Variants in DOCK8 observed in about 807,000 individuals in gnomAD.
The protein encoded by DOCK8 is dedicator of cytokinesis protein 8.
DOCK8 carries 141 observed loss-of-function variants against 245.6 expected under a neutral mutation model. That is an observed-to-expected ratio of 0.57 (90% CI 0.50 to 0.66). The LOEUF (loss-of-function observed/expected upper bound fraction) is 0.66. DOCK8 is among the 30% of genes least tolerant of loss of function. The pLI is 0.00. For missense variants in DOCK8, 2,965 were observed against 2,603.4 expected, an observed-to-expected ratio of 1.14 and a Z score of -3.02; for synonymous variants, 1,168 against 970.2, an observed-to-expected ratio of 1.20 and a Z score of -3.79.
chr9:429,808 G>A lies in DOCK8; in HGVS notation c.4580G>A (p.Cys1527Tyr), dbSNP rs897858626. Residue 1527 changes from cysteine (C) to tyrosine (Y), a missense_variant, in exon 36 of 48, where the codon TGT (cysteine) becomes TAT (tyrosine). Transcript: ENST00000432829. ...ATGGATGTCACCCGGAGCCAAGCCT[G>A]TGCCACCCTTTACCTCCTCATGAGG... ...SSMDVTRSQA[C>Y]ATLYLLMRFS... The A allele has an allele frequency of 1.2e-6, 2 of 1,614,070 alleles. No homozygotes were observed.
chr9:448,920 T>A (rs2131859850), intron 44 of DOCK8, among the ~76,000 whole-genome samples: 1 of 152,338 alleles, frequency 6.6e-6, no homozygotes, highest in African/African-American at 2.4e-5. Flanking sequence ...ATAGATTGAT[T>A]GACCCTTAAA....
chr9:308,820 G>A (rs2049966900), intron 5 of DOCK8, among the ~76,000 whole-genome samples: 1 of 152,104 alleles, frequency 6.6e-6, no homozygotes, highest in South Asian at 2.1e-4. Context: ...ACGACACCCG[G>A]CTAATTTTTT....
intron 2 of DOCK8, among the ~76,000 whole-genome samples, chr9:281,309 A>C (rs1290161275): frequency 6.6e-6 from 1 of 152,238 alleles, no homozygotes; most frequent in African/African-American, 2.4e-5. Context: ...ATTACATATA[A>C]CGAATGATAT....
chr9:255,218 A>G lies in DOCK8; in HGVS notation c.54-16409A>G, dbSNP rs28463978. ...TATCTTGAGTATTCTAGGAGTCTAA[A>G]CAGAATGTCTTTAGATCATCCTTAT... is the stretch of plus-strand genomic sequence containing the variant. On this transcript the variant is annotated intron_variant, in intron 1 of 47. Transcript: ENST00000432829. 6.4e-3 allele frequency among the ~76,000 whole-genome samples: 974 copies of G among 152,314 alleles called. 6 individuals carry two copies. Among genetic ancestry groups the G allele is most frequent in the African/African-American group, 0.022 (910 of 41,570 alleles).
intron 1 of DOCK8, among the ~76,000 whole-genome samples, chr9:233,614 G>C (rs1452801473): frequency 6.6e-6 from 1 of 152,052 alleles, no homozygotes; most frequent in African/African-American, 2.4e-5. Flanking sequence ...AGGATAGTTA[G>C]CTCTTCTTGT....
At chr9:407,501 T>G (rs890519516) in intron 28 of DOCK8, among the ~76,000 whole-genome samples, 2 of 152,136 alleles carry the variant, frequency 1.3e-5, no homozygotes, top group Non-Finnish European at 2.9e-5. Context: ...ATGCCCAGAT[T>G]AGGTTTCTTG....
intron 1 of DOCK8, among the ~76,000 whole-genome samples, chr9:253,400 A>G (rs2047696305): frequency 6.6e-6 from 1 of 152,112 alleles, no homozygotes; most frequent in Admixed American, 6.5e-5. Flanking sequence ...TACCTACTCA[A>G]AGCAACTTTC....
At chr9:262,870 G>T in intron 1 of DOCK8, among the ~76,000 whole-genome samples, 1 of 151,942 alleles carries the variant, frequency 6.6e-6, no homozygotes. Flanking sequence ...GTAGTCTGAT[G>T]ACCTTTGTCT....
intron 2 of DOCK8, among the ~76,000 whole-genome samples, chr9:284,018 G>A (rs1465377816): frequency 1.3e-5 from 2 of 152,158 alleles, no homozygotes; most frequent in African/African-American, 4.8e-5. Context: ...TTTGCACATA[G>A]TAATGCTCAA....
intron 21 of DOCK8, 59 bp downstream of exon 21, chr9:379,994 T>G: frequency 6.4e-7 from 1 of 1,567,464 alleles, no homozygotes; most frequent in African/African-American, 1.4e-5. Flanking sequence ...TCCACCCCAC[T>G]GCAGTGTAAT....
chr9:219,316 C>A (rs2046833419), intron 1 of DOCK8, among the ~76,000 whole-genome samples: 1 of 151,818 alleles, frequency 6.6e-6, no homozygotes. Flanking sequence ...CTAAAAAATA[C>A]AAAAATTAGC....
chr9:422,151 A>G lies in DOCK8; in HGVS notation c.4241+16A>G, dbSNP rs142428536. On this transcript the variant is annotated intron_variant, in intron 33 of 47. Transcript: ENST00000432829. The stretch of plus-strand genomic sequence containing the variant: ...AGCTAGATAAGTGAGTCACTCGGCA[A>G]CTTTCTGCTACTTTTACCTAAAGTC... 41 of 1,608,680 alleles carry G rather than the reference A, an allele frequency of 2.5e-5. No homozygotes were observed. In the African/African-American group the frequency reaches 4.7e-4, roughly 18 times the overall value.
intron 39 of DOCK8, among the ~76,000 whole-genome samples, chr9:436,950 G>T (rs2056924846): frequency 6.6e-6 from 1 of 152,190 alleles, no homozygotes; most frequent in Non-Finnish European, 1.5e-5. Context: ...GGGTGAAGAA[G>T]GTGAAAAGGA....
At chr9:440,782 A>G (rs1321170641) in intron 40 of DOCK8, among the ~76,000 whole-genome samples, 1 of 152,164 alleles carries the variant, frequency 6.6e-6, no homozygotes, top group Non-Finnish European at 1.5e-5. Flanking sequence ...CTTGTCACCC[A>G]GGCTGGAGTG....
chr9:409,873 A>T (rs2055635654), intron 28 of DOCK8, among the ~76,000 whole-genome samples: 1 of 152,012 alleles, frequency 6.6e-6, no homozygotes, highest in Non-Finnish European at 1.5e-5. Flanking sequence ...AAGGACATGA[A>T]CTCATCCTTT....
chr9:344,388 C>CCTTG (rs1242929194), intron 14 of DOCK8, among the ~76,000 whole-genome samples: 7 of 152,126 alleles, frequency 4.6e-5, no homozygotes, highest in African/African-American at 1.7e-4. Context: ...CTTCTCCAGT[C>CCTTG]CTTGTGTGCT....
At chr9:214,756 G>A (rs750285980), upstream of DOCK8, 7 of 1,530,310 alleles carry the variant, frequency 4.6e-6, no homozygotes, top group Middle Eastern at 1.7e-4. Context: ...GCCGCTGCCT[G>A]CGCGCCAGGC....
chr9:366,823 C>T (rs910777344), intron 14 of DOCK8, among the ~76,000 whole-genome samples: 1 of 152,270 alleles, frequency 6.6e-6, no homozygotes, highest in Non-Finnish European at 1.5e-5. Context: ...GTGGGACAGG[C>T]TGGGAAATGC....
At chr9:382,450 T>C in intron 21 of DOCK8, 63 bp from the exon 22 acceptor site, 2 of 1,608,266 alleles carry the variant, frequency 1.2e-6, no homozygotes, top group Admixed American at 1.7e-5. Flanking sequence ...CAATTCCTTC[T>C]TAAACTCAGT....
Sources: allele counts gnomAD v4.1 joint callset (sites outside exome capture counted in the v4.1 genomes callset), GRCh38; gene constraint gnomAD v4.1.1; transcripts MANE v1.5; gene names NCBI Gene and HGNC (gene_info 2026-07-23, HGNC 2026-07-21).